KANK4: variants seen among roughly 807,000 people sequenced by gnomAD.
KANK4 encodes KN motif and ankyrin repeat domain-containing protein 4.
In KANK4, 50 loss-of-function variants were observed where a neutral mutation model predicts 80.8. The ratio of observed to expected loss-of-function variants is 0.62; its 90% CI spans 0.49 to 0.78. KANK4 has a LOEUF of 0.78. Ranked by LOEUF, KANK4 falls within the 30% of genes least tolerant of loss-of-function variation. The probability of loss-of-function intolerance (pLI) is 0.00; values close to 1 mark genes in which losing one functional copy is unlikely to be tolerated. For synonymous variants in KANK4, 465 were observed against 506.9 expected, an observed-to-expected ratio of 0.92 and a Z score of 1.11; for missense variants, 1,196 against 1,240.1, an observed-to-expected ratio of 0.96 and a Z score of 0.53.
At chr1:62,298,282 C>T (rs1644383966) in intron 1 of KANK4, 1 of 152,194 alleles carries the variant, frequency 6.6e-6, no homozygotes, top group African/African-American at 2.4e-5. Context: ...AACCAGCCAG[C>T]CCTCCAGGTA....
chr1:62,278,368 C>CTTT (rs1557493459), intron 2 of KANK4, among the ~76,000 whole-genome samples: 1 of 18,870 alleles, frequency 5.3e-5, no homozygotes, highest in African/African-American at 3.8e-4. Flanking sequence ...TTCCTTCCTT[C>CTTT]CTTCCTTCCT....
At chr1:62,241,058 C>A (rs1452019544) in intron 9 of KANK4, among the ~76,000 whole-genome samples, 6 of 152,220 alleles carry the variant, frequency 3.9e-5, no homozygotes, top group Non-Finnish European at 5.9e-5. Context: ...CAAGACCCCA[C>A]TAGATTGTTC....
chr1:62,275,290 C>T (rs1385142233), intron 2 of KANK4, among the ~76,000 whole-genome samples: 1 of 152,128 alleles, frequency 6.6e-6, no homozygotes, highest in African/African-American at 2.4e-5. Flanking sequence ...GTGTACTTAG[C>T]CAATGTCTGC....
rs1276664194 is a variant in KANK4, at chr1:62,273,334, C to T, written c.1770G>A (p.Lys590=). 5.6e-6 allele frequency: 9 copies of T among 1,608,530 alleles called. No individual in the cohort carries two copies. The highest frequency in any genetic ancestry group is 7.7e-6 in the Non-Finnish European group (9 of 1,176,006). Residue 590 remains lysine, a synonymous_variant, in exon 3 of 10, where the codon AAG becomes AAA. Transcript: ENST00000371153. ...HGYPELASAI[K]QPASKLSSIQ... is the part of the protein sequence containing the mutation. ...TGCTGCTGAGCTTGGAGGCTGGCTGCTTGATGGCGCTGGCCAGCTCCGGGT... is the reference window on the plus strand; with the variant it reads ...TGCTGCTGAGCTTGGAGGCTGGCTGTTTGATGGCGCTGGCCAGCTCCGGGT...
At position 62,274,384 on chromosome 1, in the gene KANK4, C is replaced by T. The variant is rs1052202737; in HGVS notation, c.720G>A (p.Lys240=). 6.2e-7 allele frequency: 1 copy of T among 1,614,160 alleles called. No homozygotes were observed. The highest frequency in any genetic ancestry group is 1.7e-5 in the Admixed American group (1 of 60,022). The stretch of plus-strand genomic sequence containing the variant: ...CTGGGAGAGGGAGGTGATTTGGAAC[C>T]TTCACCACACCCTCTGGAGGCTCAG... ...EGAEPPEGVV[K]VPNHLPLPGP... is the part of the protein sequence containing the mutation. The change falls in exon 3 of 10, where the codon AAG becomes AAA. Residue 240 remains lysine (K), a synonymous_variant. Coordinates refer to ENST00000371153, the MANE Select transcript of KANK4 (RefSeq NM_181712.5).
At chr1:62,283,969 A>C (rs1672505568) in intron 1 of KANK4, among the ~76,000 whole-genome samples, 1 of 152,174 alleles carries the variant, frequency 6.6e-6, no homozygotes, top group Non-Finnish European at 1.5e-5. Flanking sequence ...AAAATTAATC[A>C]TTTCAAGGCT....
At chr1:62,306,998 AG>A (rs1644456643) in intron 1 of KANK4, among the ~76,000 whole-genome samples, 1 of 152,204 alleles carries the variant, frequency 6.6e-6, no homozygotes, top group Admixed American at 6.5e-5. Flanking sequence ...ATATTGGCCA[AG>A]GGTGGGTGTT....
Position 62,273,515 on chromosome 1 carries a change from G to T in KANK4, c.1589C>A (p.Thr530Asn). 2 of 1,613,698 alleles carry T rather than the reference G, an allele frequency of 1.2e-6. No individual in the cohort carries two copies. The highest frequency in any genetic ancestry group is 1.7e-6 in the Non-Finnish European group (2 of 1,179,682). Reference sequence around the variant, plus strand: ...GGTCTCCTCCCTCCCTGCTGGGGGAGTCTTTCTGTCGCTGCCCCACAGAAA... The same window carrying T: ...GGTCTCCTCCCTCCCTGCTGGGGGATTCTTTCTGTCGCTGCCCCACAGAAA... Reference protein sequence around the residue: ...GGFLWGSDRKTPPAGREETSS... With the variant: ...GGFLWGSDRKNPPAGREETSS... The change falls in exon 3 of 10, where the codon ACT becomes AAT. Residue 530 changes from threonine (T) to asparagine (N), a missense_variant. By Grantham distance (65) the Thr-to-Asn change is moderately conservative. Around this residue, in one of 3 missense-constraint regions of KANK4, gnomAD observed 1,154 missense variants for 1,179.6 expected, o/e 0.98. Coordinates refer to ENST00000371153, the MANE Select transcript of KANK4 (RefSeq NM_181712.5).
intron 1 of KANK4, among the ~76,000 whole-genome samples, chr1:62,300,877 G>A (rs1644406491): frequency 6.6e-6 from 1 of 151,988 alleles, no homozygotes; most frequent in Admixed American, 6.5e-5. Flanking sequence ...CAAGCAGTCT[G>A]GCCAGACTTA....
At chr1:62,314,302 T>C (rs1644522057) in intron 1 of KANK4, among the ~76,000 whole-genome samples, 1 of 152,188 alleles carries the variant, frequency 6.6e-6, no homozygotes, top group Non-Finnish European at 1.5e-5. Flanking sequence ...TGTGAGCCAC[T>C]GCGCCCAGCC....
intron 1 of KANK4, among the ~76,000 whole-genome samples, chr1:62,318,018 C>G (rs1644556518): frequency 6.6e-6 from 1 of 152,182 alleles, no homozygotes; most frequent in Non-Finnish European, 1.5e-5. Flanking sequence ...GACTCTGCCT[C>G]CATTCCCAGT....
At chr1:62,264,573 C>T (rs558415059) in intron 6 of KANK4, among the ~76,000 whole-genome samples, 1 of 152,278 alleles carries the variant, frequency 6.6e-6, no homozygotes, top group South Asian at 2.1e-4. Context: ...GAGGTCCTTA[C>T]ACACCTGCTT....
At chr1:62,251,038 C>T (rs915376124) in intron 8 of KANK4, among the ~76,000 whole-genome samples, 1 of 152,198 alleles carries the variant, frequency 6.6e-6, no homozygotes, top group African/African-American at 2.4e-5. Flanking sequence ...CCCTTTTGCT[C>T]TAGACTATCT....
At chr1:62,299,128 G>A (rs1644391028) in intron 1 of KANK4, among the ~76,000 whole-genome samples, 1 of 152,016 alleles carries the variant, frequency 6.6e-6, no homozygotes, top group South Asian at 2.1e-4. Flanking sequence ...TAAAATCACA[G>A]CTCAATCTAG....
chr1:62,251,589 G>A lies in KANK4; in HGVS notation c.2682+1478C>T, dbSNP rs190515420. On this transcript the variant is annotated intron_variant, in intron 8 of 9. Coordinates refer to ENST00000371153, the MANE Select transcript of KANK4 (RefSeq NM_181712.5). ...CCACACCCCCACCCTGTGTTCTCAA[G>A]CAGAGGGCCCCAGAAGATGAATAGA... 3.3e-5 allele frequency among the ~76,000 whole-genome samples: 5 copies of A among 152,258 alleles called. No homozygotes were observed. The East Asian group carries it at 9.7e-4, about 29-fold the overall frequency.
intron 2 of KANK4, among the ~76,000 whole-genome samples, chr1:62,278,322 TTCCTTCCTTCCTTCCTTCCTTCC>T (rs1557493250): frequency 0.013 from 372 of 28,028 alleles, 61 homozygotes; most frequent in Middle Eastern, 0.034. Context: ...ATTTTCTTTC[TTCCTTCCTTCCTTCCTTCCTTCC>T]TTCCTTCCTT....
At chr1:62,300,829 A>C (rs1644405882) in intron 1 of KANK4, among the ~76,000 whole-genome samples, 1 of 152,084 alleles carries the variant, frequency 6.6e-6, no homozygotes, top group African/African-American at 2.4e-5. Context: ...TATTTACAGA[A>C]TGAACAACTG....
intron 2 of KANK4, among the ~76,000 whole-genome samples, chr1:62,276,530 C>T (rs983377721): frequency 6.6e-6 from 1 of 152,086 alleles, no homozygotes; most frequent in Non-Finnish European, 1.5e-5. Context: ...AATCCCAGCT[C>T]TTTGGGAGGC....
chr1:62,292,614 T>C (rs897213144), intron 1 of KANK4, among the ~76,000 whole-genome samples: 1 of 152,176 alleles, frequency 6.6e-6, no homozygotes, highest in Admixed American at 6.5e-5. Context: ...GGAGTCCAAT[T>C]TGTAACTATA....
Sources: gnomAD v4.1 joint callset for allele counts (sites outside exome capture counted in the v4.1 genomes callset) on GRCh38, gnomAD v4.1.1 for gene constraint, gnomAD v4.1.1 regional missense constraint, MANE v1.5 for transcripts, NCBI Gene and HGNC (gene_info 2026-07-23, HGNC 2026-07-21) for gene names.